The following PCSK6 variants were observed in gnomAD, a reference collection of about 807,000 sequenced individuals.
PCSK6 encodes the protein paired basic amino acid cleaving enzyme 4.
PCSK6 carries 85 observed loss-of-function variants against 123.3 expected under a neutral mutation model. That is an observed-to-expected ratio of 0.69 (90% CI 0.58 to 0.83). The LOEUF (loss-of-function observed/expected upper bound fraction) is 0.83. Among genes scored for constraint, PCSK6 ranks in the 40% least tolerant of loss-of-function variants. The pLI, the probability that PCSK6 is intolerant of heterozygous loss-of-function variation, is 0.00. For missense variants in PCSK6, 1,191 were observed against 1,282.3 expected (o/e 0.93, Z 1.09); for synonymous variants, 508 against 516.0 (o/e 0.98, Z 0.21).
intron 7 of PCSK6, among the ~76,000 whole-genome samples, chr15:101,394,732 A>G (rs1417685025): frequency 2.6e-5 from 4 of 152,206 alleles, no homozygotes; most frequent in African/African-American, 7.2e-5. Flanking sequence ...TTGGAGCACA[A>G]TGAGTGGACC....
chr15:101,372,006 GACACACTCCCCAGACCAA>G (rs1476795412), intron 11 of PCSK6, among the ~76,000 whole-genome samples: 1 of 152,066 alleles, frequency 6.6e-6, no homozygotes, highest in Non-Finnish European at 1.5e-5. Flanking sequence ...AGAATTTTCT[GACACACTCCCCAGACCAA>G]GCAGACTCCC....
At chr15:101,420,245 C>T (rs1420101557) in intron 6 of PCSK6, among the ~76,000 whole-genome samples, 2 of 148,362 alleles carry the variant, frequency 1.3e-5, no homozygotes, top group Admixed American at 6.7e-5. Context: ...AATTTTAAGA[C>T]CAATTATTGT....
chr15:101,455,003 T>C (rs1318857066), intron 1 of PCSK6, among the ~76,000 whole-genome samples: 1 of 151,750 alleles, frequency 6.6e-6, no homozygotes, highest in Non-Finnish European at 1.5e-5. Flanking sequence ...AATAAAAGGG[T>C]ACAGAGTTTC....
At chr15:101,314,678 G>C (rs2039947391) in intron 19 of PCSK6, among the ~76,000 whole-genome samples, 2 of 152,196 alleles carry the variant, frequency 1.3e-5, no homozygotes, top group African/African-American at 2.4e-5. Context: ...GCTCCTGCAG[G>C]AGAAGCTCCT....
chr15:101,416,388 T>C (rs979251693), intron 6 of PCSK6, among the ~76,000 whole-genome samples: 4 of 152,242 alleles, frequency 2.6e-5, no homozygotes, highest in African/African-American at 9.6e-5. Flanking sequence ...ACTTGGGTGC[T>C]GTTAAAGCCA....
chr15:101,446,114 T>A (rs2056882788), intron 1 of PCSK6, among the ~76,000 whole-genome samples: 1 of 152,212 alleles, frequency 6.6e-6, no homozygotes, highest in Non-Finnish European at 1.5e-5. Context: ...CAGAACTCCA[T>A]CTGTTTGGAC....
intron 13 of PCSK6, among the ~76,000 whole-genome samples, chr15:101,361,156 T>TTCTC (rs753650844): frequency 2.3e-5 from 3 of 130,262 alleles, no homozygotes; most frequent in African/African-American, 9.8e-5. Context: ...CTATAGTTCT[T>TTCTC]TCTCTCTCTT....
chr15:101,392,593 CTTTT>C lies in PCSK6; in HGVS notation c.1209+615_1209+618del, dbSNP rs10525638. 5.7e-5 allele frequency among the ~76,000 whole-genome samples: 7 copies of C among 122,358 alleles called. 2 individuals carry two copies. The highest frequency in any genetic ancestry group is 5.0e-4 in the South Asian group (2 of 3,984). The allele number at this position is 122,358 out of a possible 152,430, so 80.3% of individuals were successfully genotyped here. A position where few individuals can be genotyped will look rare whatever the true frequency, so the allele number is the denominator to read the frequency against. Reference sequence around the variant, plus strand: ...TTTGAACTGGAAACCCTCCCTTCCTCTTTTTTTTTTTTTTTTTAAGTAGGAAAGT... The same window carrying C: ...TTTGAACTGGAAACCCTCCCTTCCTCTTTTTTTTTTTTTAAGTAGGAAAGT... On this transcript the variant is annotated intron_variant, in intron 8 of 21. Transcript: ENST00000611716.
chr15:101,315,895 G>A (rs537221450), intron 19 of PCSK6, among the ~76,000 whole-genome samples: 1 of 152,386 alleles, frequency 6.6e-6, no homozygotes, highest in East Asian at 1.9e-4. Context: ...GAGGATGAGA[G>A]GCTCATCTCG....
chr15:101,312,810 G>A (rs533548101), intron 20 of PCSK6, among the ~76,000 whole-genome samples: 13 of 139,374 alleles, frequency 9.3e-5, no homozygotes, highest in South Asian at 4.4e-4. Context: ...CAGCCTGGGC[G>A]ACAGGCGAGA....
intron 13 of PCSK6, among the ~76,000 whole-genome samples, chr15:101,363,102 T>G (rs997514161): frequency 6.6e-6 from 1 of 152,008 alleles, no homozygotes; most frequent in Non-Finnish European, 1.5e-5. Context: ...CTGGAGGGGA[T>G]GTGGACTCAG....
chr15:101,383,409 CAA>C lies in PCSK6; in HGVS notation c.1414+911_1414+912del, dbSNP rs35670221. 1.6e-3 allele frequency among the ~76,000 whole-genome samples: 122 copies of C among 76,486 alleles called. 1 individual carries two copies. The highest frequency in any genetic ancestry group is 6.9e-3 in the East Asian group (16 of 2,308). 50.2% of individuals were successfully genotyped at this position (76,486 alleles called of 152,430 possible). Reference sequence around the variant, plus strand: ...TGGGCAACAAGACGAGACTCTGTCTCAAAAAAAAAAAAAAAAAAAAAAAGAAG... The same window carrying C: ...TGGGCAACAAGACGAGACTCTGTCTCAAAAAAAAAAAAAAAAAAAAAGAAG... On this transcript the variant is annotated intron_variant, in intron 10 of 21. Transcript: ENST00000611716.
chr15:101,386,136 G>T (rs555887809), intron 9 of PCSK6, among the ~76,000 whole-genome samples: 1 of 151,986 alleles, frequency 6.6e-6, no homozygotes, highest in Non-Finnish European at 1.5e-5. Flanking sequence ...CTCTCGGTGC[G>T]TGTTTACTAG....
chr15:101,400,246 C>CT (rs764175420), intron 6 of PCSK6, among the ~76,000 whole-genome samples: 2 of 152,024 alleles, frequency 1.3e-5, no homozygotes, highest in South Asian at 4.1e-4. Flanking sequence ...TTTCTAAATC[C>CT]TTTTTTTCCC....
intron 9 of PCSK6, among the ~76,000 whole-genome samples, chr15:101,388,388 G>A (rs185759050): frequency 1.1e-4 from 17 of 152,344 alleles, no homozygotes; most frequent in Non-Finnish European, 2.2e-4. Context: ...TACAACAGAT[G>A]ACTACTGCAG....
intron 13 of PCSK6, among the ~76,000 whole-genome samples, chr15:101,352,548 A>G (rs1433783815): frequency 6.6e-6 from 1 of 152,056 alleles, no homozygotes; most frequent in East Asian, 1.9e-4. Flanking sequence ...CTTATTCAAC[A>G]CTTCAGTCTT....
rs577302523 is a variant in PCSK6 at position 101,326,620 on chromosome 15, C to T, written c.2078-141G>A. On this transcript the variant is annotated intron_variant, in intron 15 of 21. Transcript: ENST00000611716. ...GCCCCGCTGGGGCTGGACGGCCAGA[C>T]GACAAGGCGGGAGCAGCCGTCCCTG... 2.7e-4 allele frequency: 202 copies of T among 756,892 alleles called. 1 individual carries two copies. Among genetic ancestry groups the T allele is most frequent in the African/African-American group, 2.5e-3 (141 of 57,386 alleles). The allele number at this position is 756,892 out of a possible 1,614,324, so 46.9% of individuals were successfully genotyped here. A position where few individuals can be genotyped will look rare whatever the true frequency, so the allele number is the denominator to read the frequency against.
intron 2 of PCSK6, among the ~76,000 whole-genome samples, chr15:101,439,564 A>C (rs1476901817): frequency 6.6e-6 from 1 of 152,226 alleles, no homozygotes; most frequent in Non-Finnish European, 1.5e-5. Context: ...GACACAGTTC[A>C]TCAACCCCTG....
chr15:101,442,577 G>A (rs2056784602), intron 2 of PCSK6, among the ~76,000 whole-genome samples: 1 of 152,100 alleles, frequency 6.6e-6, no homozygotes. Context: ...TGAAGCAGGT[G>A]GGTTGGGGCA....
Sources: allele counts gnomAD v4.1 joint callset (sites outside exome capture counted in the v4.1 genomes callset), GRCh38; gene constraint gnomAD v4.1.1; transcripts MANE v1.5; gene names NCBI Gene and HGNC (gene_info 2026-07-23, HGNC 2026-07-21).